Variants in PRUNE2 observed in about 807,000 individuals in gnomAD.
The protein encoded by PRUNE2 is protein prune homolog 2.
Under a neutral mutation model 252.0 loss-of-function variants are expected in PRUNE2, and 164 were observed. That is an observed-to-expected ratio of 0.65 (90% CI 0.57 to 0.74). PRUNE2 has a LOEUF of 0.74. Ranked by LOEUF, PRUNE2 falls within the 30% of genes least tolerant of loss-of-function variation. The pLI, the probability that PRUNE2 is intolerant of heterozygous loss-of-function variation, is 0.00. For missense variants in PRUNE2, 3,495 were observed against 3,711.0 expected (o/e 0.94, Z 1.51); for synonymous variants, 1,292 against 1,350.2 (o/e 0.96, Z 0.94).
chr9:76,671,020 C>T (rs931988932), intron 9 of PRUNE2, among the ~76,000 whole-genome samples: 5 of 152,350 alleles, frequency 3.3e-5, no homozygotes, highest in Admixed American at 1.3e-4. Context: ...AGGAACACAG[C>T]TCCTCACCTG....
intron 1 of PRUNE2, among the ~76,000 whole-genome samples, chr9:76,879,878 C>CATATATATATATATATAT (rs1391636538): frequency 1.3e-4 from 10 of 75,374 alleles, no homozygotes; most frequent in African/African-American, 6.1e-4. Context: ...AGAGGCCTGT[C>CATATATATATATATATAT]ATATATATAT....
At chr9:76,773,150 A>T (rs7022141) in intron 6 of PRUNE2, among the ~76,000 whole-genome samples, 84,988 of 152,086 alleles carry the variant, frequency 0.56, 25,249 homozygotes, top group African/African-American at 0.76. Flanking sequence ...CCCAAGTTAA[A>T]TTTACTTCAC....
chr9:76,749,030 C>T (rs144435985), intron 6 of PRUNE2, among the ~76,000 whole-genome samples: 263 of 152,288 alleles, frequency 1.7e-3, no homozygotes, highest in African/African-American at 5.6e-3. Context: ...ACATTCTAGG[C>T]ACCTAGGTAG....
At chr9:76,638,162 C>T (rs761580994) in intron 13 of PRUNE2, 24 bp downstream of exon 13, 4 of 1,464,722 alleles carry the variant, frequency 2.7e-6, no homozygotes, top group Non-Finnish European at 2.9e-6. Flanking sequence ...TAACTCAAAG[C>T]ACTTTGTCAT....
chr9:76,669,466 C>T (rs151298299), intron 9 of PRUNE2, among the ~76,000 whole-genome samples: 7 of 152,182 alleles, frequency 4.6e-5, no homozygotes, highest in East Asian at 3.9e-4. Flanking sequence ...ATCACAGCTG[C>T]GGGCCACCAC....
chr9:76,906,080 C>T lies in PRUNE2; in HGVS notation c.-117G>A. On this transcript the variant is annotated 5_prime_UTR_variant, in exon 1 of 19. Transcript: ENST00000376718. ...CCCGCCGGGGCGCAGCGACCGACTGCTCCCTCCTGCCGCTCTGAGGCGGCT... is the reference window on the plus strand; with the variant it reads ...CCCGCCGGGGCGCAGCGACCGACTGTTCCCTCCTGCCGCTCTGAGGCGGCT... The T allele has an allele frequency of 1.8e-6, 2 of 1,093,380 alleles. No homozygotes were observed. Among genetic ancestry groups the T allele is most frequent in the Non-Finnish European group, 2.8e-6 (2 of 717,668 alleles). 67.7% of individuals were successfully genotyped at this position (1,093,380 alleles called of 1,614,324 possible).
At chr9:76,755,340 G>A (rs1480290260) in intron 6 of PRUNE2, among the ~76,000 whole-genome samples, 6 of 151,986 alleles carry the variant, frequency 3.9e-5, no homozygotes, top group Non-Finnish European at 7.4e-5. Context: ...ATGAGTAAAC[G>A]AATGAAAAAA....
intron 1 of PRUNE2, among the ~76,000 whole-genome samples, chr9:76,868,251 C>A (rs184645597): frequency 6.6e-6 from 1 of 152,260 alleles, no homozygotes; most frequent in Admixed American, 6.5e-5. Flanking sequence ...AGAAAAACAT[C>A]CAAAATAACA....
chr9:76,826,399 G>A (rs1473530494), intron 5 of PRUNE2, among the ~76,000 whole-genome samples, 181 bp downstream of exon 5: 3 of 152,180 alleles, frequency 2.0e-5, no homozygotes, highest in African/African-American at 7.2e-5. Context: ...CCTGAACCCG[G>A]GAGGTCGAGG....
At position 76,711,232 on chromosome 9, in the gene PRUNE2, C is replaced by T. The variant is rs371550114; in HGVS notation, c.1042G>A (p.Val348Ile). The T allele has an allele frequency of 1.8e-5, 29 of 1,613,766 alleles. No individual in the cohort carries two copies. In the African/African-American group the frequency reaches 2.4e-4, roughly 13 times the overall value. ...PSVTCDQVVL[V>I]VKEVINRRCP... ...CTCCTGTTGATGACTTCCTTGACAA[C>T]GAGAACCACCTGATCACAAGTCACT... The change falls in exon 8 of 19, where the codon GTT becomes ATT. Residue 348 changes from valine to isoleucine, a missense_variant. Coordinates refer to ENST00000376718, the MANE Select transcript of PRUNE2 (RefSeq NM_015225.3).
At chr9:76,864,010 T>C (rs2060696771) in intron 1 of PRUNE2, among the ~76,000 whole-genome samples, 1 of 152,142 alleles carries the variant, frequency 6.6e-6, no homozygotes, top group South Asian at 2.1e-4. Flanking sequence ...ATCACAGCGC[T>C]ATTCCCAACA....
chr9:76,782,425 A>G (rs112667193), intron 6 of PRUNE2, among the ~76,000 whole-genome samples: 13 of 152,118 alleles, frequency 8.5e-5, no homozygotes, highest in Non-Finnish European at 1.6e-4. Context: ...CTGCTTCTTC[A>G]TATTTTTACA....
chr9:76,657,309 T>A (rs530663512), intron 9 of PRUNE2, among the ~76,000 whole-genome samples: 2 of 152,250 alleles, frequency 1.3e-5, no homozygotes, highest in Non-Finnish European at 2.9e-5. Context: ...ATGTACATTA[T>A]TTTTCTAGTT....
chr9:76,721,995 C>T (rs1359733428), intron 6 of PRUNE2, among the ~76,000 whole-genome samples: 2 of 152,150 alleles, frequency 1.3e-5, no homozygotes, highest in African/African-American at 4.8e-5. Context: ...TTTTTGTACA[C>T]TCTTTAATTG....
chr9:76,893,362 G>A (rs1197732878), intron 1 of PRUNE2, among the ~76,000 whole-genome samples: 5 of 152,194 alleles, frequency 3.3e-5, no homozygotes, highest in Admixed American at 1.3e-4. Context: ...ACGAGAAATC[G>A]TAAATAAAAG....
intron 6 of PRUNE2, among the ~76,000 whole-genome samples, chr9:76,781,326 AC>A (rs2131207009): frequency 6.6e-6 from 1 of 152,178 alleles, no homozygotes; most frequent in African/African-American, 2.4e-5. Flanking sequence ...ATCTGATCCC[AC>A]CACCTCTCCA....
intron 1 of PRUNE2, among the ~76,000 whole-genome samples, chr9:76,858,369 C>T (rs1328646738): frequency 6.6e-6 from 1 of 151,994 alleles, no homozygotes; most frequent in Non-Finnish European, 1.5e-5. Context: ...TGATGCCCAT[C>T]AATGATCAAC....
At chr9:76,664,434 G>A (rs979678399) in intron 9 of PRUNE2, among the ~76,000 whole-genome samples, 3 of 152,198 alleles carry the variant, frequency 2.0e-5, no homozygotes, top group African/African-American at 7.2e-5. Context: ...GAACCATCTA[G>A]CTAATACACT....
intron 6 of PRUNE2, chr9:76,787,054 T>G (rs1254617430): frequency 6.6e-6 from 1 of 152,210 alleles, no homozygotes; most frequent in Non-Finnish European, 1.5e-5. Context: ...CTAATGAAGA[T>G]CCATAGAATT....
Sources: allele counts gnomAD v4.1 joint callset (sites outside exome capture counted in the v4.1 genomes callset), GRCh38; gene constraint gnomAD v4.1.1; transcripts MANE v1.5; gene names NCBI Gene and HGNC (gene_info 2026-07-23, HGNC 2026-07-21).